Variants in SLC22A3 observed in about 807,000 individuals in gnomAD.
SLC22A3 encodes the protein solute carrier family 22 member 3, also known as EMT organic cation transporter 3.
Under a neutral mutation model 59.1 loss-of-function variants are expected in SLC22A3, and 51 were observed. The ratio of observed to expected loss-of-function variants is 0.86; its 90% CI spans 0.69 to 1.09. SLC22A3 has a LOEUF of 1.09. Among genes scored for constraint, SLC22A3 ranks in the 50% least tolerant of loss-of-function variants. The pLI, the probability that SLC22A3 is intolerant of heterozygous loss-of-function variation, is 0.00. For synonymous variants in SLC22A3, 325 were observed against 292.0 expected (o/e 1.11, Z -1.15); for missense variants, 711 against 726.3 (o/e 0.98, Z 0.24).
rs145760667 is a variant in SLC22A3 at position 160,351,189 on chromosome 6, T to C, written c.429+2341T>C. ...GGTGTGCAGTGGCGTGATCTCGGCT[T>C]ACTGCAAGCTCCGCCTCCCAGGTTC... On this transcript the variant is annotated intron_variant, in intron 1 of 10. Transcript: ENST00000275300. Among the ~76,000 whole-genome samples, 81 of 152,256 alleles carry C rather than the reference T, an allele frequency of 5.3e-4. 2 individuals carry two copies. The East Asian group carries it at 0.014, about 27-fold the overall frequency.
intron 1 of SLC22A3, among the ~76,000 whole-genome samples, chr6:160,371,137 G>T (rs1785383945): frequency 6.6e-6 from 1 of 152,166 alleles, no homozygotes; most frequent in South Asian, 2.1e-4. Flanking sequence ...AGCCCTTAGT[G>T]CACAACAACA....
At chr6:160,409,782 A>G (rs542573458) in intron 4 of SLC22A3, among the ~76,000 whole-genome samples, 14 of 152,230 alleles carry the variant, frequency 9.2e-5, no homozygotes, top group Non-Finnish European at 1.8e-4. Flanking sequence ...GCAAAATTTT[A>G]AGTAGGGTAC....
chr6:160,365,429 A>G (rs1241711984), intron 1 of SLC22A3, among the ~76,000 whole-genome samples: 2 of 152,334 alleles, frequency 1.3e-5, no homozygotes, highest in East Asian at 3.9e-4. Context: ...GGGCTTGTGG[A>G]ACCAGACTGC....
chr6:160,354,115 T>TC (rs1268035328), intron 1 of SLC22A3, among the ~76,000 whole-genome samples: 1 of 152,158 alleles, frequency 6.6e-6, no homozygotes, highest in Non-Finnish European at 1.5e-5. Context: ...GGTAGGGGAC[T>TC]CCAACAGATG....
At chr6:160,365,436 C>A (rs1562469893) in intron 1 of SLC22A3, among the ~76,000 whole-genome samples, 1 of 152,194 alleles carries the variant, frequency 6.6e-6, no homozygotes, top group Non-Finnish European at 1.5e-5. Context: ...TGGAACCAGA[C>A]TGCTGGGCCT....
intron 1 of SLC22A3, among the ~76,000 whole-genome samples, chr6:160,392,295 C>G (rs4709426): frequency 0.47 from 70,917 of 152,068 alleles, 16,825 homozygotes; most frequent in East Asian, 0.56. Flanking sequence ...CTAAATCCAG[C>G]TCATTGTGGG....
intron 4 of SLC22A3, among the ~76,000 whole-genome samples, chr6:160,409,923 AAATG>A (rs1449573852): frequency 6.6e-6 from 1 of 152,246 alleles, no homozygotes; most frequent in Non-Finnish European, 1.5e-5. Flanking sequence ...TCTATAAAGC[AAATG>A]AATATTACTC....
chr6:160,384,543 A>G (rs1057404387), intron 1 of SLC22A3, among the ~76,000 whole-genome samples: 2 of 152,170 alleles, frequency 1.3e-5, no homozygotes, highest in Non-Finnish European at 2.9e-5. Context: ...GAGACCAGGA[A>G]AGACTCAGGT....
intron 5 of SLC22A3, among the ~76,000 whole-genome samples, chr6:160,421,764 C>G (rs962454833): frequency 1.3e-5 from 2 of 152,152 alleles, no homozygotes; most frequent in Admixed American, 1.3e-4. Flanking sequence ...AGTGAGTTTG[C>G]CTGTCCTTTT....
intron 1 of SLC22A3, among the ~76,000 whole-genome samples, chr6:160,373,814 G>A (rs1406717757): frequency 6.6e-6 from 1 of 152,114 alleles, no homozygotes; most frequent in African/African-American, 2.4e-5. Context: ...CGGTGAGGGG[G>A]AAAACCACCT....
chr6:160,371,553 G>A (rs1181521321), intron 1 of SLC22A3, among the ~76,000 whole-genome samples: 1 of 152,192 alleles, frequency 6.6e-6, no homozygotes, highest in Non-Finnish European at 1.5e-5. Flanking sequence ...TGGTGTATAT[G>A]TGCCACATTT....
At position 160,402,792 on chromosome 6, in the gene SLC22A3, G is replaced by A. The variant is rs566487192; in HGVS notation, c.534-4249G>A. ...TTGGGGATGAAACAACACATCTATAGTAACACATAGGTCAAAGAAGAAATC... is the reference window on the plus strand; with the variant it reads ...TTGGGGATGAAACAACACATCTATAATAACACATAGGTCAAAGAAGAAATC... On this transcript the variant is annotated intron_variant, in intron 2 of 10. Coordinates refer to ENST00000275300, the MANE Select transcript of SLC22A3 (RefSeq NM_021977.4). Among the ~76,000 whole-genome samples, 10 of 151,744 alleles carry A rather than the reference G, an allele frequency of 6.6e-5. No individual in the cohort carries two copies. In the South Asian group the frequency reaches 1.9e-3, roughly 28 times the overall value.
intron 5 of SLC22A3, 80 bp downstream of exon 5, chr6:160,410,926 C>T (rs1468256817): frequency 1.2e-5 from 9 of 769,724 alleles, no homozygotes; most frequent in Non-Finnish European, 1.8e-5. Context: ...CTTAATGTTG[C>T]TTCTTAAATT....
At chr6:160,440,809 T>C (rs1319265425) in intron 7 of SLC22A3, among the ~76,000 whole-genome samples, 1 of 152,154 alleles carries the variant, frequency 6.6e-6, no homozygotes, top group Non-Finnish European at 1.5e-5. Flanking sequence ...ACTCTACTGC[T>C]TGGAAAAGAG....
intron 5 of SLC22A3, among the ~76,000 whole-genome samples, chr6:160,411,573 C>A (rs548101198): frequency 5.0e-4 from 76 of 152,116 alleles, no homozygotes; most frequent in African/African-American, 1.7e-3. Context: ...CCCATCTCTA[C>A]AAATAGAAAG....
chr6:160,449,262 G>A (rs979362219), intron 10 of SLC22A3, among the ~76,000 whole-genome samples: 8 of 151,992 alleles, frequency 5.3e-5, no homozygotes, highest in African/African-American at 1.7e-4. Flanking sequence ...GGGTGGAAGG[G>A]GGTTGTCTAA....
chr6:160,358,733 G>T (rs578157016), intron 1 of SLC22A3, among the ~76,000 whole-genome samples: 1 of 152,350 alleles, frequency 6.6e-6, no homozygotes, highest in African/African-American at 2.4e-5. Context: ...CCTCCTTCTT[G>T]CTCTTTGTCA....
intron 5 of SLC22A3, among the ~76,000 whole-genome samples, chr6:160,427,510 T>C (rs899259836): frequency 1.3e-5 from 2 of 152,230 alleles, no homozygotes; most frequent in South Asian, 2.1e-4. Context: ...CCTGGAATCC[T>C]GCCCACACCC....
chr6:160,380,547 C>A (rs1443485201), intron 1 of SLC22A3, among the ~76,000 whole-genome samples: 1 of 152,044 alleles, frequency 6.6e-6, no homozygotes, highest in Non-Finnish European at 1.5e-5. Context: ...CTTTATAAAA[C>A]ATATACATAG....
Sources: allele counts gnomAD v4.1 joint callset (sites outside exome capture counted in the v4.1 genomes callset), GRCh38; gene constraint gnomAD v4.1.1; transcripts MANE v1.5; gene names NCBI Gene and HGNC (gene_info 2026-07-23, HGNC 2026-07-21).